The following ARHGAP45 variants were observed in gnomAD, a reference collection of about 807,000 sequenced individuals.
ARHGAP45 encodes rho GTPase-activating protein 45.
In ARHGAP45, 56 loss-of-function variants were observed where a neutral mutation model predicts 116.1. The ratio of observed to expected loss-of-function variants is 0.48; its 90% CI spans 0.39 to 0.60. The LOEUF is 0.60. Ranked by LOEUF, ARHGAP45 falls within the 20% of genes least tolerant of loss-of-function variation. The probability of loss-of-function intolerance (pLI) is 0.00; values close to 1 mark genes in which losing one functional copy is unlikely to be tolerated. For synonymous variants in ARHGAP45, 866 were observed against 701.7 expected, an observed-to-expected ratio of 1.23 and a Z score of -3.70; for missense variants, 1,622 against 1,601.0, an observed-to-expected ratio of 1.01 and a Z score of -0.22.
chr19:1,068,902 T>G lies in ARHGAP45; in HGVS notation c.421+158T>G, dbSNP rs1275045192. Among the ~76,000 whole-genome samples, 1 of 151,748 alleles carries G rather than the reference T, an allele frequency of 6.6e-6. No homozygotes were observed. The highest frequency in any genetic ancestry group is 6.6e-5 in the Admixed American group (1 of 15,226). On this transcript the variant is annotated intron_variant, in intron 2 of 22. Coordinates refer to ENST00000313093, the MANE Select transcript of ARHGAP45 (RefSeq NM_012292.5). The surrounding 1 kb of genome is among the most constrained non-coding windows in gnomAD (Gnocchi z 7.5). The stretch of plus-strand genomic sequence containing the variant: ...ATGACAGCTAAGGCTCTGAGGGATG[T>G]GTAGGAGTTTGGTGGGGGAGTCCCT...
At chr19:1,078,805 C>T (rs1158425455) in intron 11 of ARHGAP45, among the ~76,000 whole-genome samples, 1 of 152,002 alleles carries the variant, frequency 6.6e-6, no homozygotes, top group Non-Finnish European at 1.5e-5. Context: ...CAGCCTCTAC[C>T]TCCTGGGCTC....
In ARHGAP45 at chr19:1,085,955, C is replaced by T. The variant is rs140144151; in HGVS notation, c.3360C>T (p.Gly1120=). 2.3e-5 allele frequency: 37 copies of T among 1,612,752 alleles called. No individual in the cohort carries two copies. The highest frequency in any genetic ancestry group is 1.6e-4 in the Middle Eastern group (1 of 6,084). Residue 1120 remains glycine (G), a synonymous_variant, in exon 23 of 23, where the codon GGC becomes GGT. Transcript: ENST00000313093. ...QAPLPPMRLR[G]GRMTLGSCRE... is the part of the protein sequence containing the mutation. ...CACTGCCCCCCATGAGGCTCCGTGG[C>T]GGGCGGATGACACTGGGCTCCTGCA...
Position 1,071,454 on chromosome 19 carries a change from C to G in ARHGAP45, c.422-1695C>G. 7.2e-6 allele frequency: 7 copies of G among 978,906 alleles called. No homozygotes were observed. Among genetic ancestry groups the G allele is most frequent in the Non-Finnish European group, 8.7e-6 (7 of 807,044 alleles). The allele number at this position is 978,906 out of a possible 1,614,324, so 60.6% of individuals were successfully genotyped here. The stretch of plus-strand genomic sequence containing the variant: ...CCCGCGGTGGGGGAGCAGCGGCTGC[C>G]GCGCGCCTGGCCTGGCCGTGCGCAC... On this transcript the variant is annotated intron_variant, in intron 2 of 22. Transcript: ENST00000313093. The surrounding 1 kb of genome is among the most constrained non-coding windows in gnomAD (Gnocchi z 4.6).
Position 1,073,627 on chromosome 19 carries a change from G to A in ARHGAP45, c.650+37G>A, listed in dbSNP as rs369597074. On this transcript the variant is annotated intron_variant, in intron 4 of 22. Transcript: ENST00000313093. The stretch of plus-strand genomic sequence containing the variant: ...AGCCTGTGGGGCAGGGCAAGGGAGC[G>A]TGGGGGGCCCGGGTGTCTCTCGATG... The A allele has an allele frequency of 7.9e-5, 127 of 1,612,256 alleles. 1 individual carries two copies. The highest frequency in any genetic ancestry group is 9.9e-5 in the South Asian group (9 of 90,864).
At chr19:1,079,503 C>CAAAAA (rs35895776) in intron 11 of ARHGAP45, among the ~76,000 whole-genome samples, 200 bp from the exon 12 acceptor site, 1 of 112,246 alleles carries the variant, frequency 8.9e-6, no homozygotes, top group Admixed American at 9.1e-5. Context: ...GACTCCATCT[C>CAAAAA]AAAAAAAAAA....
intron 18 of ARHGAP45, 29 bp from the exon 19 acceptor site, chr19:1,081,795 T>G (rs1599769814): frequency 6.3e-7 from 1 of 1,588,626 alleles, no homozygotes; most frequent in African/African-American, 1.3e-5. Flanking sequence ...CCGAGGCTGA[T>G]GGGCCTCCCC....
At position 1,067,397 on chromosome 19, in the gene ARHGAP45, G is replaced by C; in HGVS notation, c.-9G>C. On this transcript the variant is annotated 5_prime_UTR_variant, in exon 1 of 23. Coordinates refer to ENST00000313093, the MANE Select transcript of ARHGAP45 (RefSeq NM_012292.5). ...CCCGCCCCCTCGGGCTCCCGGCCGG[G>C]GCCCCATCATGTTCTCCAGGAAGAA... The C allele has an allele frequency of 6.4e-7, 1 of 1,567,558 alleles. No homozygotes were observed. The highest frequency in any genetic ancestry group is 8.6e-7 in the Non-Finnish European group (1 of 1,159,738).
rs1259058048 is a variant in ARHGAP45, at chr19:1,076,481, GTCTTT to G, written c.1186-1374_1186-1370del. Among the ~76,000 whole-genome samples the G allele has an allele frequency of 8.3e-4, 86 of 104,166 alleles. 2 individuals carry two copies. Among genetic ancestry groups the G allele is most frequent in the African/African-American group, 3.2e-3 (81 of 25,342 alleles). The allele number at this position is 104,166 out of a possible 152,430, so 68.3% of individuals were successfully genotyped here. ...TAGAAACCTGTGATTGTTGGCAGTA[GTCTTT>G]TTTTTTTTTTTTTTTTTTTTTTTTT... On this transcript the variant is annotated intron_variant, in intron 10 of 22. Coordinates refer to ENST00000313093, the MANE Select transcript of ARHGAP45 (RefSeq NM_012292.5).
At position 1,073,129 on chromosome 19, in the gene ARHGAP45, A is replaced by G; in HGVS notation, c.422-20A>G. 1 of 1,596,680 alleles carries G rather than the reference A, an allele frequency of 6.3e-7. No homozygotes were observed. Among genetic ancestry groups the G allele is most frequent in the Non-Finnish European group, 8.5e-7 (1 of 1,178,106 alleles). On this transcript the variant is annotated intron_variant, in intron 2 of 22. Coordinates refer to ENST00000313093, the MANE Select transcript of ARHGAP45 (RefSeq NM_012292.5). The stretch of plus-strand genomic sequence containing the variant: ...GGGACTGGGCCCTACCCCACTGCTC[A>G]CTCCGACTCTCCCCAGCAGACCTCC...
rs767322158 is a variant in ARHGAP45, at chr19:1,083,153, G to A, written c.2755G>A (p.Val919Met). The change falls in exon 21 of 23, where the codon GTG becomes ATG. Residue 919 changes from valine to methionine, a missense_variant. Physicochemically the swap from Val to Met is conservative, Grantham distance 21. Coordinates refer to ENST00000313093, the MANE Select transcript of ARHGAP45 (RefSeq NM_012292.5). ...CTGCCCACCCCGCAGGATCGTGGAG[G>A]TGGAGCAGGACAACAAGATGACCCC... Reference protein sequence around the residue: ...LLRHLRRIVEVEQDNKMTPGN... With the variant: ...LLRHLRRIVEMEQDNKMTPGN... 6.2e-6 allele frequency: 10 copies of A among 1,608,750 alleles called. No individual in the cohort carries two copies. The highest frequency in any genetic ancestry group is 5.5e-5 in the South Asian group (5 of 90,542).
At chr19:1,072,174 G>C (rs1304817361) in intron 2 of ARHGAP45, among the ~76,000 whole-genome samples, 1 of 152,046 alleles carries the variant, frequency 6.6e-6, no homozygotes, top group Non-Finnish European at 1.5e-5. Context: ...CGATTCTCCT[G>C]CCTCAGCCTC....
rs1426876768 is a variant in ARHGAP45, at chr19:1,080,688, TTAAG to T, written c.1920_1923del (p.Phe640LeufsTer38). On this transcript the variant is annotated frameshift_variant, in exon 16 of 23. Coordinates refer to ENST00000313093, the MANE Select transcript of ARHGAP45 (RefSeq NM_012292.5). LOFTEE classifies it high-confidence loss of function. ...AGTCCTGATTCCCGCCCAGGGGACT[TTAAG>T]AAGTTCGAGCGGACGTCATCCAGTG... 6.2e-7 allele frequency: 1 copy of T among 1,613,312 alleles called. No homozygotes were observed. Among genetic ancestry groups the T allele is most frequent in the African/African-American group, 1.3e-5 (1 of 74,994 alleles).
chr19:1,077,372 TTC>T (rs2043278701), intron 10 of ARHGAP45: 2 of 988,344 alleles, frequency 2.0e-6, no homozygotes, highest in Non-Finnish European at 2.4e-6. Flanking sequence ...CCTCCTCCCG[TTC>T]TTTTTTTTTT....
chr19:1,066,937 G>T (rs77131765), upstream of ARHGAP45, among the ~76,000 whole-genome samples: 2 of 152,108 alleles, frequency 1.3e-5, no homozygotes, highest in African/African-American at 2.4e-5. Context: ...GCGTCTGAGC[G>T]CGTGTGGAGG....
rs765581037 is a variant in ARHGAP45, at chr19:1,068,637, C to A, written c.314C>A (p.Thr105Asn). ...GCCGCCAGCCCGGGCGAGCTGCCCA[C>A]CGAGGGTGCCGGCCCGGACGTCGTC... is the stretch of plus-strand genomic sequence containing the variant. ...LTAASPGELP[T>N]EGAGPDVVED... Residue 105 changes from threonine (T) to asparagine (N), a missense_variant, in exon 2 of 23, where the codon ACC (threonine) becomes AAC (asparagine). By Grantham distance (65) the Thr-to-Asn change is moderately conservative. Transcript: ENST00000313093. The surrounding 1 kb of genome is among the most constrained non-coding windows in gnomAD (Gnocchi z 7.5). 6.8e-6 allele frequency: 11 copies of A among 1,612,360 alleles called. No individual in the cohort carries two copies. The highest frequency in any genetic ancestry group is 9.3e-6 in the Non-Finnish European group (11 of 1,179,834).
At chr19:1,074,311 C>G (rs942440025) in intron 7 of ARHGAP45, 32 bp from the exon 8 acceptor site, 2 of 1,611,820 alleles carry the variant, frequency 1.2e-6, no homozygotes, top group African/African-American at 2.7e-5. Flanking sequence ...AAGGCCTTGT[C>G]CCAGCACCTC....
chr19:1,075,548 C>T (rs2043230140), intron 10 of ARHGAP45, among the ~76,000 whole-genome samples: 1 of 152,112 alleles, frequency 6.6e-6, no homozygotes. Context: ...CCCACCCGGC[C>T]TCCTGCCTGT....
At position 1,068,379 on chromosome 19, in the gene ARHGAP45, A is replaced by G; in HGVS notation, c.91-35A>G. ...ACTGAGGCCGTGTCCAGGCCGGAAA[A>G]TCCCTTTAACGAGCTCCCCTCGGAC... On this transcript the variant is annotated intron_variant, in intron 1 of 22. Transcript: ENST00000313093. This position sits in a 1 kb window ranked among gnomAD's most constrained non-coding sequence, Gnocchi z 7.5. 15 of 1,470,382 alleles carry G rather than the reference A, an allele frequency of 1.0e-5. No homozygotes were observed. Among genetic ancestry groups the G allele is most frequent in the Non-Finnish European group, 1.4e-5 (15 of 1,105,164 alleles). 91.1% of individuals were successfully genotyped at this position (1,470,382 alleles called of 1,614,324 possible).
chr19:1,086,089 C>A lies in ARHGAP45; in HGVS notation c.*83C>A. ...GCACGTCCCCTGCACCACGGCATAG[C>A]TTAGGTGCGCCGTCCTGGGGTCGCT... On this transcript the variant is annotated 3_prime_UTR_variant, in exon 23 of 23. Transcript: ENST00000313093. 3 of 1,271,852 alleles carry A rather than the reference C, an allele frequency of 2.4e-6. No individual in the cohort carries two copies. Among genetic ancestry groups the A allele is most frequent in the Non-Finnish European group, 3.3e-6 (3 of 907,200 alleles). 78.8% of individuals were successfully genotyped at this position (1,271,852 alleles called of 1,614,324 possible).
Sources: gnomAD v4.1 joint callset for allele counts (sites outside exome capture counted in the v4.1 genomes callset) on GRCh38, gnomAD v4.1.1 for gene constraint, Gnocchi (gnomAD v3.1) non-coding constraint, MANE v1.5 for transcripts, NCBI Gene and HGNC (gene_info 2026-07-23, HGNC 2026-07-21) for gene names.